The following LTBP2 variants were observed in gnomAD, a reference collection of about 807,000 sequenced individuals.
LTBP2 encodes latent-transforming growth factor beta-binding protein 2.
Under a neutral mutation model 210.6 loss-of-function variants are expected in LTBP2, and 103 were observed. The observed-to-expected ratio is 0.49, with a 90% confidence interval of 0.42 to 0.58. The LOEUF is 0.58. LTBP2 is among the 20% of genes least tolerant of loss of function. The probability of loss-of-function intolerance (pLI) is 0.00; values close to 1 mark genes in which losing one functional copy is unlikely to be tolerated. For synonymous variants in LTBP2, 1,007 were observed against 1,015.0 expected (o/e 0.99, Z 0.15); for missense variants, 2,313 against 2,494.5 (o/e 0.93, Z 1.55).
Position 74,503,376 on chromosome 14 carries a change from A to G in LTBP2, c.4731T>C (p.Pro1577=), listed in dbSNP as rs1420556035. ...AGATGTCCATGTGGATGTCGTGGTC[A>G]GGGAGGTCCTCTGGTGGCACAGGGC... ...MNSTSSTEDL[P]DHDIHMDICW... The change falls in exon 33 of 36, where the codon CCT becomes CCC. Residue 1577 remains proline, a synonymous_variant. Transcript: ENST00000261978. 35 of 1,612,820 alleles carry G rather than the reference A, an allele frequency of 2.2e-5. No individual in the cohort carries two copies. Among genetic ancestry groups the G allele is most frequent in the Non-Finnish European group, 3.0e-5 (35 of 1,179,858 alleles).
At chr14:74,516,263 G>A (rs568259368) in intron 18 of LTBP2, among the ~76,000 whole-genome samples, 1 of 152,368 alleles carries the variant, frequency 6.6e-6, no homozygotes, top group East Asian at 1.9e-4. Context: ...GAGCTGGCAC[G>A]AGACAGGCAA....
At position 74,564,345 on chromosome 14, in the gene LTBP2, T is replaced by TTATATA. The variant is rs1483904765; in HGVS notation, c.831-8658_831-8653dup. 4.7e-3 allele frequency among the ~76,000 whole-genome samples: 26 copies of TTATATA among 5,510 alleles called. 2 individuals are homozygous for TTATATA. Among genetic ancestry groups the TTATATA allele is most frequent in the Non-Finnish European group, 6.5e-3 (24 of 3,712 alleles). The allele number at this position is 5,510 out of a possible 152,430, so 3.6% of individuals were successfully genotyped here. Reference sequence around the variant, plus strand: ...TATATATATATTTATATATATATATTTATATATATTTATATATATATTTAT... The same window carrying TTATATA: ...TATATATATATTTATATATATATATTTATATATATATATATTTATATATATATTTAT... On this transcript the variant is annotated intron_variant, in intron 3 of 35. Transcript: ENST00000261978.
intron 3 of LTBP2, among the ~76,000 whole-genome samples, chr14:74,561,672 G>T (rs1176166898): frequency 1.3e-5 from 2 of 152,126 alleles, no homozygotes; most frequent in Non-Finnish European, 2.9e-5. Context: ...TATTTGTTTT[G>T]TAATCAAAAT....
At position 74,500,700 on chromosome 14, in the gene LTBP2, G is replaced by C. The variant is rs557348037; in HGVS notation, c.*184C>G. ...ATTGGTGGTGCTTGAGCCAAGCAAGGGCATGGAGGCAATGACCGAAGCTTA... is the reference window on the plus strand; with the variant it reads ...ATTGGTGGTGCTTGAGCCAAGCAAGCGCATGGAGGCAATGACCGAAGCTTA... On this transcript the variant is annotated 3_prime_UTR_variant, in exon 36 of 36. Transcript: ENST00000261978. 4.7e-5 allele frequency: 35 copies of C among 744,800 alleles called. No individual in the cohort carries two copies. The East Asian group carries it at 7.4e-4, about 16-fold the overall frequency. 46.1% of individuals were successfully genotyped at this position (744,800 alleles called of 1,614,324 possible). A position where few individuals can be genotyped will look rare whatever the true frequency, so the allele number is the denominator to read the frequency against.
chr14:74,578,948 C>T (rs898917093), intron 3 of LTBP2, among the ~76,000 whole-genome samples: 3 of 152,196 alleles, frequency 2.0e-5, no homozygotes, highest in African/African-American at 7.2e-5. Flanking sequence ...CTCTGCCTCC[C>T]GGGTTCAAGC....
chr14:74,598,048 C>A (rs2088392895), intron 2 of LTBP2, among the ~76,000 whole-genome samples: 1 of 152,236 alleles, frequency 6.6e-6, no homozygotes, highest in Non-Finnish European at 1.5e-5. Context: ...CTCTCATCCT[C>A]ATCTGACATA....
chr14:74,608,560 A>G (rs985307083), intron 1 of LTBP2, among the ~76,000 whole-genome samples: 1 of 151,830 alleles, frequency 6.6e-6, no homozygotes, highest in Admixed American at 6.6e-5. Context: ...AATACAAAAA[A>G]TTAGCCGGGT....
At chr14:74,501,071 C>T (rs761924894) in intron 35 of LTBP2, 42 bp from the exon 36 acceptor site, 15 of 1,593,570 alleles carry the variant, frequency 9.4e-6, no homozygotes, top group African/African-American at 1.3e-5. Flanking sequence ...AGCCCAGGTG[C>T]CTCTGCTGGC....
At chr14:74,538,283 T>C (rs1472940611) in intron 8 of LTBP2, among the ~76,000 whole-genome samples, 1 of 152,214 alleles carries the variant, frequency 6.6e-6, no homozygotes, top group Admixed American at 6.5e-5. Context: ...GTATTTCATA[T>C]AGTCTTCTCG....
rs140842900 is a variant in LTBP2 at position 74,611,567 on chromosome 14, G to A, written c.378C>T (p.Pro126=). ...QPPAQTRRST[P]LGQQQPAPRT... is the part of the protein sequence containing the mutation. Reference sequence around the variant, plus strand: ...GGGGTGCTGGTTGCTGCTGGCCCAGGGGAGTGCTTCTCCGGGTCTGCGCAG... The same window carrying A: ...GGGGTGCTGGTTGCTGCTGGCCCAGAGGAGTGCTTCTCCGGGTCTGCGCAG... Residue 126 remains proline (P), a synonymous_variant, in exon 1 of 36, where the codon CCC becomes CCT. Coordinates refer to ENST00000261978, the MANE Select transcript of LTBP2 (RefSeq NM_000428.3). 10,604 of 1,578,800 alleles carry A rather than the reference G, an allele frequency of 6.7e-3. 50 individuals carry two copies. Among genetic ancestry groups the A allele is most frequent in the Non-Finnish European group, 8.2e-3 (9,557 of 1,168,984 alleles).
At chr14:74,596,969 G>A (rs2139800757) in intron 2 of LTBP2, among the ~76,000 whole-genome samples, 1 of 152,364 alleles carries the variant, frequency 6.6e-6, no homozygotes. Context: ...GCCTGGCAGA[G>A]GATTCATGTG....
chr14:74,525,718 A>G (rs927861010), intron 14 of LTBP2, among the ~76,000 whole-genome samples: 1 of 152,214 alleles, frequency 6.6e-6, no homozygotes, highest in Admixed American at 6.5e-5. Context: ...ACAGGCAAGT[A>G]GTGGTTTCAG....
At chr14:74,509,627 C>A in intron 21 of LTBP2, 107 bp downstream of exon 21, 1 of 1,520,380 alleles carries the variant, frequency 6.6e-7, no homozygotes, top group Non-Finnish European at 9.0e-7. Context: ...CTAGCCTAGC[C>A]TGGAGCCCCT....
rs1279891445 is a variant in LTBP2 at position 74,593,200 on chromosome 14, T to A, written c.566-7082A>T. ...CAGATTTTCCACACAAAACCCCTAC[T>A]TTTGGGAAGGGACCAAACTCAGAAT... is the stretch of plus-strand genomic sequence containing the variant. On this transcript the variant is annotated intron_variant, in intron 2 of 35. Coordinates refer to ENST00000261978, the MANE Select transcript of LTBP2 (RefSeq NM_000428.3). 2.0e-5 allele frequency among the ~76,000 whole-genome samples: 3 copies of A among 152,172 alleles called. No homozygotes were observed. The East Asian group carries it at 5.8e-4, about 29-fold the overall frequency.
chr14:74,543,495 C>T (rs2087537209), intron 8 of LTBP2, among the ~76,000 whole-genome samples: 1 of 98,272 alleles, frequency 1.0e-5, no homozygotes, highest in Admixed American at 1.1e-4. Context: ...ATGGCACAAA[C>T]CCTATAGAGC....
intron 3 of LTBP2, among the ~76,000 whole-genome samples, chr14:74,574,786 G>A (rs12435192): frequency 1.3e-5 from 2 of 152,146 alleles, no homozygotes; most frequent in Non-Finnish European, 2.9e-5. Context: ...ACTAAAAAAG[G>A]GAGTCACTAG....
chr14:74,535,842 G>A (rs781159224), intron 9 of LTBP2, 84 bp downstream of exon 9: 34 of 1,233,580 alleles, frequency 2.8e-5, no homozygotes, highest in Middle Eastern at 2.2e-4. Context: ...GAGACCACTC[G>A]GCCAGTGACA....
Position 74,552,171 on chromosome 14 carries a change from C to A in LTBP2, c.1399+16G>T. ...TCCTCCCAGGGTCCCGCCGGCCCAGCTGTGCCGGCACTCACCCAGCTGGTT... is the reference window on the plus strand; with the variant it reads ...TCCTCCCAGGGTCCCGCCGGCCCAGATGTGCCGGCACTCACCCAGCTGGTT... On this transcript the variant is annotated intron_variant, in intron 6 of 35. Coordinates refer to ENST00000261978, the MANE Select transcript of LTBP2 (RefSeq NM_000428.3). The A allele has an allele frequency of 8.2e-6, 13 of 1,584,534 alleles. No individual in the cohort carries two copies. The highest frequency in any genetic ancestry group is 1.1e-5 in the Non-Finnish European group (13 of 1,168,168).
intron 9 of LTBP2, 61 bp from the exon 10 acceptor site, chr14:74,532,609 G>C: frequency 6.3e-7 from 1 of 1,589,948 alleles, no homozygotes; most frequent in Non-Finnish European, 8.6e-7. Flanking sequence ...GAGCAGAGGG[G>C]CTGGGCAGAG....
Sources: gnomAD v4.1 joint callset for allele counts (sites outside exome capture counted in the v4.1 genomes callset) on GRCh38, gnomAD v4.1.1 for gene constraint, MANE v1.5 for transcripts, NCBI Gene and HGNC (gene_info 2026-07-23, HGNC 2026-07-21) for gene names.